Variants in CSMD3 observed in about 807,000 individuals in gnomAD.
The protein encoded by CSMD3 is CUB and sushi domain-containing protein 3.
Under a neutral mutation model 435.2 loss-of-function variants are expected in CSMD3, and 177 were observed. The observed-to-expected ratio is 0.41, with a 90% CI of 0.36 to 0.46. CSMD3 has a LOEUF of 0.46. CSMD3 is among the 20% of genes least tolerant of loss of function. CSMD3 has a pLI of 0.34. For synonymous variants in CSMD3, 1,656 were observed against 1,520.5 expected, an observed-to-expected ratio of 1.09 and a Z score of -2.07; for missense variants, 4,265 against 4,504.6, an observed-to-expected ratio of 0.95 and a Z score of 1.52.
intron 32 of CSMD3, among the ~76,000 whole-genome samples, chr8:112,420,961 C>G (rs1329553184): frequency 1.3e-5 from 2 of 152,172 alleles, no homozygotes; most frequent in Admixed American, 6.6e-5. Flanking sequence ...CATGCCTTTT[C>G]TGCAGGCAAA....
intron 5 of CSMD3, among the ~76,000 whole-genome samples, chr8:113,042,637 CA>C (rs1398403712): frequency 6.6e-6 from 1 of 151,990 alleles, no homozygotes; most frequent in Non-Finnish European, 1.5e-5. Flanking sequence ...CTTTTCCTTT[CA>C]AAATTAAAAC....
intron 6 of CSMD3, among the ~76,000 whole-genome samples, chr8:112,997,882 A>G (rs2085715636): frequency 6.7e-6 from 1 of 148,906 alleles, no homozygotes; most frequent in South Asian, 2.1e-4. Context: ...ATATATATAC[A>G]TATATATATA....
intron 10 of CSMD3, among the ~76,000 whole-genome samples, chr8:112,887,173 T>C (rs1033018459): frequency 2.7e-5 from 4 of 150,608 alleles, no homozygotes; most frequent in Admixed American, 6.6e-5. Context: ...AAGCACTGTA[T>C]AAGTGTTTGT....
intron 13 of CSMD3, among the ~76,000 whole-genome samples, chr8:112,756,846 G>A (rs1162182462): frequency 1.3e-5 from 2 of 149,876 alleles, no homozygotes; most frequent in Admixed American, 1.3e-4. Context: ...TCTGCTCACT[G>A]CAACCTCCAC....
intron 10 of CSMD3, among the ~76,000 whole-genome samples, chr8:112,917,392 A>T (rs2130590774): frequency 6.6e-6 from 1 of 152,088 alleles, no homozygotes; most frequent in East Asian, 1.9e-4. Context: ...TGAAAACTGA[A>T]CAAGACCTGG....
At chr8:112,233,138 A>G (rs1813253526) in intron 68 of CSMD3, among the ~76,000 whole-genome samples, 1 of 152,328 alleles carries the variant, frequency 6.6e-6, no homozygotes, top group East Asian at 1.9e-4. Context: ...GAAATGTTAC[A>G]TTTCAGCAAT....
At chr8:112,946,265 T>C (rs2083607745) in intron 9 of CSMD3, among the ~76,000 whole-genome samples, 1 of 151,796 alleles carries the variant, frequency 6.6e-6, no homozygotes, top group Admixed American at 6.6e-5. Context: ...GCATAAGTTA[T>C]CTCATGTGAT....
At chr8:112,521,342 T>C (rs60989653) in intron 27 of CSMD3, among the ~76,000 whole-genome samples, 1 of 151,664 alleles carries the variant, frequency 6.6e-6, no homozygotes, top group African/African-American at 2.4e-5. Context: ...CAGGCTGCCA[T>C]ATCCAGTGGT....
chr8:112,852,507 T>C (rs940030833), intron 11 of CSMD3, among the ~76,000 whole-genome samples: 8 of 152,164 alleles, frequency 5.3e-5, no homozygotes, highest in Non-Finnish European at 8.8e-5. Context: ...CTGTATTTTA[T>C]TTTTATCAGT....
chr8:113,424,684 A>G (rs1533274), intron 1 of CSMD3, among the ~76,000 whole-genome samples: 1 of 151,264 alleles, frequency 6.6e-6, no homozygotes, highest in Non-Finnish European at 1.5e-5. Flanking sequence ...CTTCATTAAT[A>G]CTGGATAAAC....
intron 32 of CSMD3, among the ~76,000 whole-genome samples, chr8:112,445,606 A>T (rs1815514935): frequency 1.3e-5 from 2 of 152,162 alleles, no homozygotes; most frequent in Non-Finnish European, 2.9e-5. Context: ...TTTATAAGGG[A>T]TCTGCTTCCA....
chr8:113,051,022 T>G (rs73351670), intron 5 of CSMD3, among the ~76,000 whole-genome samples: 1 of 152,100 alleles, frequency 6.6e-6, no homozygotes, highest in South Asian at 2.1e-4. Flanking sequence ...GAAGGAATTA[T>G]TTCCAAATTG....
chr8:112,984,438 T>C (rs2085171928), intron 6 of CSMD3, among the ~76,000 whole-genome samples: 1 of 152,102 alleles, frequency 6.6e-6, no homozygotes, highest in South Asian at 2.1e-4. Context: ...AGCCATAAAA[T>C]GTAACTATCT....
intron 3 of CSMD3, among the ~76,000 whole-genome samples, chr8:113,190,983 AG>A (rs1412538039): frequency 6.6e-6 from 1 of 151,836 alleles, no homozygotes; most frequent in Non-Finnish European, 1.5e-5. Flanking sequence ...AATTCCTTAA[AG>A]AAAAATTTTC....
intron 1 of CSMD3, among the ~76,000 whole-genome samples, chr8:113,412,415 T>C (rs2094563683): frequency 6.6e-6 from 1 of 152,072 alleles, no homozygotes; most frequent in Admixed American, 6.6e-5. Context: ...TTAATTGAAT[T>C]TCCCCCCAAA....
intron 45 of CSMD3, among the ~76,000 whole-genome samples, chr8:112,330,223 T>A (rs970363635): frequency 2.0e-5 from 3 of 152,114 alleles, no homozygotes; most frequent in African/African-American, 7.2e-5. Context: ...AAAAGTAGCA[T>A]AACCGTAAAA....
chr8:112,939,533 G>C (rs1330942090), intron 9 of CSMD3, among the ~76,000 whole-genome samples: 1 of 151,936 alleles, frequency 6.6e-6, no homozygotes, highest in African/African-American at 2.4e-5. Context: ...CAAGTAAAAA[G>C]AGCAATAGAA....
At chr8:113,412,686 T>C (rs2094564675) in intron 1 of CSMD3, among the ~76,000 whole-genome samples, 1 of 152,134 alleles carries the variant, frequency 6.6e-6, no homozygotes, top group African/African-American at 2.4e-5. Flanking sequence ...CATAATATTG[T>C]ATCAATCTCC....
At chr8:112,970,862 C>T (rs1214421631) in intron 7 of CSMD3, among the ~76,000 whole-genome samples, 1 of 152,002 alleles carries the variant, frequency 6.6e-6, no homozygotes, top group Non-Finnish European at 1.5e-5. Flanking sequence ...GCTGGGACTA[C>T]AGGCGCCCGC....
Sources: gnomAD v4.1 joint callset for allele counts (sites outside exome capture counted in the v4.1 genomes callset) on GRCh38, gnomAD v4.1.1 for gene constraint, MANE v1.5 for transcripts, NCBI Gene and HGNC (gene_info 2026-07-23, HGNC 2026-07-21) for gene names.